ABCA1: variants seen among roughly 807,000 people sequenced by gnomAD.
ABCA1 encodes the protein phospholipid-transporting ATPase ABCA1.
Under a neutral mutation model 262.5 loss-of-function variants are expected in ABCA1, and 133 were observed. The ratio of observed to expected loss-of-function variants is 0.51; its 90% CI spans 0.44 to 0.59. The LOEUF (loss-of-function observed/expected upper bound fraction) is 0.59. ABCA1 is among the 20% of genes least tolerant of loss of function. ABCA1 has a pLI of 0.00. For synonymous variants in ABCA1, 1,022 were observed against 1,043.5 expected, an observed-to-expected ratio of 0.98 and a Z score of 0.40; for missense variants, 2,452 against 2,777.5, an observed-to-expected ratio of 0.88 and a Z score of 2.63.
chr9:104,803,550 A>C (rs890277278), intron 32 of ABCA1, among the ~76,000 whole-genome samples: 2 of 152,176 alleles, frequency 1.3e-5, no homozygotes, highest in African/African-American at 2.4e-5. Flanking sequence ...CCTTGGGTTA[A>C]ACCAATTTAC....
At chr9:104,790,050 C>T (rs972601186) in intron 44 of ABCA1, among the ~76,000 whole-genome samples, 4 of 151,284 alleles carry the variant, frequency 2.6e-5, no homozygotes, top group African/African-American at 9.7e-5. Flanking sequence ...GAGCCAAGGT[C>T]GCGCCATTGC....
rs1447098364 is a variant in ABCA1 at position 104,783,677 on chromosome 9, G to C, written c.*638C>G. 1.3e-5 allele frequency: 2 copies of C among 153,090 alleles called. No individual in the cohort carries two copies. Among genetic ancestry groups the C allele is most frequent in the African/African-American group, 2.4e-5 (1 of 41,436 alleles). 9.5% of individuals were successfully genotyped at this position (153,090 alleles called of 1,614,324 possible). On this transcript the variant is annotated 3_prime_UTR_variant, in exon 50 of 50. Coordinates refer to ENST00000374736, the MANE Select transcript of ABCA1 (RefSeq NM_005502.4). Reference sequence around the variant, plus strand: ...TGCCACCAGAACAGCTTATCAGAGGGAATCAAAGCAGGATGTTAGCCACGC... The same window carrying C: ...TGCCACCAGAACAGCTTATCAGAGGCAATCAAAGCAGGATGTTAGCCACGC...
At chr9:104,803,347 C>A (rs1564099919) in intron 32 of ABCA1, 31 bp from the exon 33 acceptor site, 1 of 1,611,050 alleles carries the variant, frequency 6.2e-7, no homozygotes, top group Non-Finnish European at 8.5e-7. Context: ...AAAATCAGTT[C>A]AAAGAAAGCA....
At chr9:104,897,760 C>G (rs539207792) in intron 2 of ABCA1, among the ~76,000 whole-genome samples, 1 of 152,208 alleles carries the variant, frequency 6.6e-6, no homozygotes, top group Non-Finnish European at 1.5e-5. Flanking sequence ...AGTGCTACCA[C>G]GCCTGGCTAA....
chr9:104,831,796 G>A lies in ABCA1; in HGVS notation c.1541C>T (p.Ala514Val). Reference sequence around the variant, plus strand: ...CTTGTTGATGAGCCAGACTTCTGTTGCTATGGGTTCTAGCTTGTTCAGGTT... The same window carrying A: ...CTTGTTGATGAGCCAGACTTCTGTTACTATGGGTTCTAGCTTGTTCAGGTT... ...CVNLNKLEPI[A>V]TEVWLINKSM... The change falls in exon 13 of 50, where the codon GCA becomes GTA. Residue 514 changes from alanine to valine, a missense_variant. Physicochemically the swap from Ala to Val is moderately conservative, Grantham distance 64. This residue lies in a region of ABCA1 where 1,032 missense variants were observed against 1,089.7 expected (regional missense o/e 0.95). Coordinates refer to ENST00000374736, the MANE Select transcript of ABCA1 (RefSeq NM_005502.4). The A allele has an allele frequency of 6.2e-7, 1 of 1,614,200 alleles. No homozygotes were observed. Among genetic ancestry groups the A allele is most frequent in the Non-Finnish European group, 8.5e-7 (1 of 1,180,048 alleles).
chr9:104,794,233 A>T (rs1829673921), intron 40 of ABCA1, among the ~76,000 whole-genome samples, 154 bp downstream of exon 40: 1 of 152,236 alleles, frequency 6.6e-6, no homozygotes, highest in African/African-American at 2.4e-5. Flanking sequence ...TGCCACAACC[A>T]GCTGTGTTGG....
chr9:104,925,436 T>C (rs1564310913), intron 1 of ABCA1, among the ~76,000 whole-genome samples: 7 of 150,764 alleles, frequency 4.6e-5, no homozygotes, highest in Admixed American at 2.6e-4. Context: ...AATACGAGGG[T>C]TGAGATTTCA....
chr9:104,861,310 A>G, intron 6 of ABCA1: 1 of 367,982 alleles, frequency 2.7e-6, no homozygotes, highest in South Asian at 3.6e-5. Context: ...TCAATTTTTT[A>G]GACAGAGCTC....
At position 104,807,142 on chromosome 9, in the gene ABCA1, G is replaced by A. The variant is rs1830837990; in HGVS notation, c.4275-712C>T. ...TGATAAAGGAGGAGGAGAGGAGCCA[G>A]ATGAGAGAGGCCTGGGAAAGAGTCT... On this transcript the variant is annotated intron_variant, in intron 30 of 49. Transcript: ENST00000374736. Among the ~76,000 whole-genome samples, 3 of 152,336 alleles carry A rather than the reference G, an allele frequency of 2.0e-5. No homozygotes were observed. The South Asian group carries it at 6.2e-4, about 32-fold the overall frequency.
At chr9:104,901,238 A>T (rs1050654146) in intron 2 of ABCA1, among the ~76,000 whole-genome samples, 2 of 152,230 alleles carry the variant, frequency 1.3e-5, no homozygotes, top group African/African-American at 4.8e-5. Flanking sequence ...AAGAAAAGTC[A>T]CTGTGATGGG....
At position 104,786,955 on chromosome 9, in the gene ABCA1, C is replaced by G; in HGVS notation, c.6226G>C (p.Asp2076His). 1 of 1,614,024 alleles carries G rather than the reference C, an allele frequency of 6.2e-7. No individual in the cohort carries two copies. Among genetic ancestry groups the G allele is most frequent in the Non-Finnish European group, 8.5e-7 (1 of 1,179,970 alleles). ...CACAAGAACCGCCGGGCTTTGGGAT[C>G]CATGCCTGTGGTGGGTTCATCCTGT... ...VFLDEPTTGMDPKARRFLWNC... is the reference protein window; with the variant it reads ...VFLDEPTTGMHPKARRFLWNC... Residue 2076 changes from aspartate (D) to histidine (H), a missense_variant, in exon 47 of 50, where the codon GAT becomes CAT. Physicochemically the swap from Asp to His is moderately conservative, Grantham distance 81. This residue lies in a region of ABCA1 where 752 missense variants were observed against 944.5 expected (regional missense o/e 0.80). Transcript: ENST00000374736.
intron 1 of ABCA1, among the ~76,000 whole-genome samples, chr9:104,915,917 G>A (rs1841814065): frequency 6.6e-6 from 1 of 152,120 alleles, no homozygotes; most frequent in Non-Finnish European, 1.5e-5. Flanking sequence ...TGGGGTCAGA[G>A]TGCCATGCCC....
At position 104,831,709 on chromosome 9, in the gene ABCA1, G is replaced by T; in HGVS notation, c.1628C>A (p.Pro543Gln). Residue 543 changes from proline to glutamine, a missense_variant, in exon 13 of 50, where the codon CCA becomes CAA. Pro to Gln is a moderately conservative substitution (Grantham distance 76). This residue lies in a region of ABCA1 where 1,032 missense variants were observed against 1,089.7 expected (regional missense o/e 0.95). Transcript: ENST00000374736. ...WAGIVFTGITPGSIELPHHVK... is the reference protein window; with the variant it reads ...WAGIVFTGITQGSIELPHHVK... ...ATGATGGGGCAGCTCAATGCTGCCT[G>T]GAGTAATTCCAGTGAACACAATACC... is the stretch of plus-strand genomic sequence containing the variant. 1 of 1,614,120 alleles carries T rather than the reference G, an allele frequency of 6.2e-7. No individual in the cohort carries two copies. Among genetic ancestry groups the T allele is most frequent in the Non-Finnish European group, 8.5e-7 (1 of 1,179,972 alleles).
chr9:104,846,790 TC>T (rs1834933338), intron 7 of ABCA1, among the ~76,000 whole-genome samples: 1 of 152,132 alleles, frequency 6.6e-6, no homozygotes, highest in Admixed American at 6.5e-5. Flanking sequence ...CTACGCGGTC[TC>T]CCTTAAACGT....
At chr9:104,927,263 G>C (rs1361226324) in intron 1 of ABCA1, among the ~76,000 whole-genome samples, 1 of 151,932 alleles carries the variant, frequency 6.6e-6, no homozygotes, top group Non-Finnish European at 1.5e-5. Context: ...TCTGCGCCAG[G>C]GACACCAGCT....
intron 40 of ABCA1, 147 bp from the exon 41 acceptor site, chr9:104,793,447 C>G: frequency 8.4e-7 from 1 of 1,187,422 alleles, no homozygotes; most frequent in Non-Finnish European, 1.2e-6. Context: ...AAAAGAGTAA[C>G]AAGAGAGTGA....
chr9:104,874,783 G>A (rs1175457), intron 5 of ABCA1, among the ~76,000 whole-genome samples: 1 of 140,130 alleles, frequency 7.1e-6, no homozygotes, highest in African/African-American at 2.7e-5. Flanking sequence ...GAGGTGGGGG[G>A]CAGCCCCCGC....
intron 1 of ABCA1, among the ~76,000 whole-genome samples, chr9:104,924,671 C>T (rs1234415730): frequency 6.6e-6 from 1 of 151,046 alleles, no homozygotes; most frequent in Non-Finnish European, 1.5e-5. Flanking sequence ...GCAAAAACCA[C>T]ATGCATTTTG....
chr9:104,831,752 C>G lies in ABCA1; in HGVS notation c.1585G>C (p.Glu529Gln), dbSNP rs1339216801. The G allele has an allele frequency of 6.2e-7, 1 of 1,614,232 alleles. No individual in the cohort carries two copies. Among genetic ancestry groups the G allele is most frequent in the South Asian group, 1.1e-5 (1 of 91,082 alleles). ...LINKSMELLD[E>Q]RKFWAGIVFT... ...ACAATACCAGCCCAGAACTTCCTCT[C>G]ATCCAGCAGCTCCATGGACTTGTTG... Residue 529 changes from glutamate to glutamine, a missense_variant, in exon 13 of 50, where the codon GAG becomes CAG. Glu to Gln is a conservative substitution (Grantham distance 29). Around this residue, in one of 4 missense-constraint regions of ABCA1, gnomAD observed 1,032 missense variants for 1,089.7 expected, o/e 0.95. Transcript: ENST00000374736.
Sources: allele counts gnomAD v4.1 joint callset (sites outside exome capture counted in the v4.1 genomes callset), GRCh38; gene constraint gnomAD v4.1.1; regional missense constraint gnomAD v4.1.1; transcripts MANE v1.5; gene names NCBI Gene and HGNC (gene_info 2026-07-23, HGNC 2026-07-21).